The following CTNNA3 variants were observed in gnomAD, a reference collection of about 807,000 sequenced individuals.
The protein encoded by CTNNA3 is catenin alpha-3.
In CTNNA3, 76 loss-of-function variants were observed where a neutral mutation model predicts 95.7. The ratio of observed to expected loss-of-function variants is 0.79; its 90% CI spans 0.66 to 0.96. The LOEUF is 0.96. Ranked by LOEUF, CTNNA3 falls within the 40% of genes least tolerant of loss-of-function variation. CTNNA3 has a pLI of 0.00. For missense variants in CTNNA3, 1,191 were observed against 1,089.8 expected, an observed-to-expected ratio of 1.09 and a Z score of -1.31; for synonymous variants, 431 against 374.4, an observed-to-expected ratio of 1.15 and a Z score of -1.74.
intron 12 of CTNNA3, among the ~76,000 whole-genome samples, chr10:66,362,858 T>C (rs2092686538): frequency 6.6e-6 from 1 of 152,214 alleles, no homozygotes; most frequent in African/African-American, 2.4e-5. Flanking sequence ...AAATTTGCTT[T>C]TCACATTTAA....
chr10:67,268,540 G>A (rs1866927671), intron 5 of CTNNA3, among the ~76,000 whole-genome samples: 1 of 151,844 alleles, frequency 6.6e-6, no homozygotes, highest in Admixed American at 6.6e-5. Context: ...AAAGCTTTGG[G>A]TCCCTCTACG....
intron 7 of CTNNA3, among the ~76,000 whole-genome samples, chr10:66,964,883 A>G (rs1035743522): frequency 5.3e-5 from 8 of 152,104 alleles, no homozygotes; most frequent in African/African-American, 1.9e-4. Context: ...TCAAAATTAA[A>G]CCCTGACTAA....
chr10:67,000,105 C>T (rs895727865), intron 7 of CTNNA3, among the ~76,000 whole-genome samples: 5 of 152,188 alleles, frequency 3.3e-5, no homozygotes, highest in Non-Finnish European at 7.4e-5. Flanking sequence ...TCTAACAACT[C>T]TGGAAGGCTC....
intron 10 of CTNNA3, among the ~76,000 whole-genome samples, chr10:66,552,747 C>A (rs927574898): frequency 4.0e-5 from 6 of 151,858 alleles, no homozygotes; most frequent in Non-Finnish European, 7.4e-5. Context: ...TTTTATATAT[C>A]TCTGAAAAAT....
At chr10:67,228,484 G>A (rs1008801976) in intron 5 of CTNNA3, among the ~76,000 whole-genome samples, 1 of 152,060 alleles carries the variant, frequency 6.6e-6, no homozygotes, top group Non-Finnish European at 1.5e-5. Flanking sequence ...GTGGTGGCAG[G>A]CACCTGTAAT....
intron 5 of CTNNA3, among the ~76,000 whole-genome samples, chr10:67,292,012 G>T (rs568536914): frequency 6.6e-6 from 1 of 152,288 alleles, no homozygotes; most frequent in South Asian, 2.1e-4. Flanking sequence ...TGGACAAAAA[G>T]TTTACTACCT....
chr10:67,641,175 C>T (rs1839518687), intron 2 of CTNNA3, among the ~76,000 whole-genome samples: 1 of 152,088 alleles, frequency 6.6e-6, no homozygotes. Context: ...AAACAAACAA[C>T]CCCATCAAAA....
intron 7 of CTNNA3, among the ~76,000 whole-genome samples, chr10:66,804,227 C>T (rs1033734164): frequency 1.3e-5 from 2 of 151,948 alleles, no homozygotes; most frequent in African/African-American, 4.8e-5. Flanking sequence ...CTTGACCAAC[C>T]CAAAACTTGC....
intron 17 of CTNNA3, among the ~76,000 whole-genome samples, chr10:65,953,403 T>C (rs1211477761): frequency 6.6e-6 from 1 of 152,120 alleles, no homozygotes. Flanking sequence ...TCTTTTATTA[T>C]ACTTTAAGTT....
chr10:66,938,606 G>A lies in CTNNA3; in HGVS notation c.1048-163082C>T, dbSNP rs186268194. ...CTTGCTGTCTCAGGGTGGCAGAGTC[G>A]GAAGATAATCCACGTGTGAGTAGAC... is the stretch of plus-strand genomic sequence containing the variant. On this transcript the variant is annotated intron_variant, in intron 7 of 17. Coordinates refer to ENST00000433211, the MANE Select transcript of CTNNA3 (RefSeq NM_013266.4). Among the ~76,000 whole-genome samples the A allele has an allele frequency of 1.3e-3, 201 of 152,230 alleles. 4 individuals are homozygous for A. The South Asian group carries it at 0.019, about 15-fold the overall frequency.
intron 3 of CTNNA3, among the ~76,000 whole-genome samples, chr10:67,605,183 T>C (rs1055414120): frequency 2.6e-5 from 4 of 152,080 alleles, no homozygotes; most frequent in African/African-American, 7.2e-5. Context: ...GGTCTATATA[T>C]ACAAAGGAAA....
intron 7 of CTNNA3, among the ~76,000 whole-genome samples, chr10:66,886,370 T>A (rs1212034681): frequency 6.6e-6 from 1 of 152,138 alleles, no homozygotes; most frequent in Non-Finnish European, 1.5e-5. Context: ...AATGGTCCTG[T>A]GGTTTTGTAT....
intron 5 of CTNNA3, among the ~76,000 whole-genome samples, chr10:67,253,312 A>C (rs1866184435): frequency 1.3e-5 from 2 of 152,352 alleles, no homozygotes; most frequent in South Asian, 4.1e-4. Flanking sequence ...AATGTTATGC[A>C]GAACAATGTT....
intron 13 of CTNNA3, among the ~76,000 whole-genome samples, chr10:66,279,893 A>G (rs908158012): frequency 1.3e-5 from 2 of 152,140 alleles, no homozygotes; most frequent in Non-Finnish European, 1.5e-5. Context: ...TTCTGTATAT[A>G]CAGTGTGCCT....
chr10:65,943,575 TCAATATTTC>T (rs2077463305), intron 17 of CTNNA3, among the ~76,000 whole-genome samples: 1 of 152,158 alleles, frequency 6.6e-6, no homozygotes, highest in Non-Finnish European at 1.5e-5. Context: ...AATCTTTCTG[TCAATATTTC>T]CATTTACTCT....
At chr10:66,285,939 G>T (rs1305867730) in intron 12 of CTNNA3, among the ~76,000 whole-genome samples, 1 of 151,790 alleles carries the variant, frequency 6.6e-6, no homozygotes, top group African/African-American at 2.4e-5. Flanking sequence ...AGTTGTATAT[G>T]GAATTATTCA....
intron 7 of CTNNA3, among the ~76,000 whole-genome samples, chr10:67,128,384 A>G (rs1325452384): frequency 1.3e-5 from 2 of 152,112 alleles, no homozygotes; most frequent in Non-Finnish European, 2.9e-5. Context: ...AAAGTAATTT[A>G]TTTAATTTCT....
chr10:67,237,538 T>A (rs1865544676), intron 5 of CTNNA3, among the ~76,000 whole-genome samples: 1 of 151,984 alleles, frequency 6.6e-6, no homozygotes, highest in Non-Finnish European at 1.5e-5. Flanking sequence ...TATGGAAATT[T>A]TTTTAAAAAA....
chr10:66,730,209 G>C (rs1848915641), intron 9 of CTNNA3, among the ~76,000 whole-genome samples: 2 of 152,132 alleles, frequency 1.3e-5, no homozygotes, highest in Non-Finnish European at 1.5e-5. Context: ...CTAAATGCCT[G>C]TTAATGATAG....
Sources: gnomAD v4.1 joint callset for allele counts (sites outside exome capture counted in the v4.1 genomes callset) on GRCh38, gnomAD v4.1.1 for gene constraint, MANE v1.5 for transcripts, NCBI Gene and HGNC (gene_info 2026-07-23, HGNC 2026-07-21) for gene names.